The following TACR2 variants were observed in gnomAD, a reference collection of about 807,000 sequenced individuals.
The protein encoded by TACR2 is substance-K receptor.
A neutral mutation model predicts 28.9 loss-of-function variants in TACR2; 24 were observed. That is an observed-to-expected ratio of 0.83 (90% CI 0.60 to 1.17). The LOEUF is 1.17. Among genes scored for constraint, TACR2 ranks in the 50% most tolerant of loss-of-function variants. The pLI is 0.00. For synonymous variants in TACR2, 222 were observed against 212.6 expected (o/e 1.04, Z -0.38); for missense variants, 487 against 524.4 (o/e 0.93, Z 0.70).
At chr10:69,409,882 C>CATATATACATATATAT (rs1840548380) in intron 2 of TACR2, among the ~76,000 whole-genome samples, 1 of 113,186 alleles carries the variant, frequency 8.8e-6, no homozygotes, top group Admixed American at 9.7e-5. Flanking sequence ...TATATATATA[C>CATATATACATATATAT]ATATATACAT....
chr10:69,416,574 A>G lies in TACR2; in HGVS notation c.-251T>C, dbSNP rs1408802612. ...ATCCTTCCGGCCAGACTTCTCGAAT[A>G]TCATGTGGAAACACAGAATTCAAAT... On this transcript the variant is annotated 5_prime_UTR_variant, in exon 1 of 5. Coordinates refer to ENST00000373306, the MANE Select transcript of TACR2 (RefSeq NM_001057.3). 6.8e-6 allele frequency: 3 copies of G among 444,108 alleles called. No individual in the cohort carries two copies. Among genetic ancestry groups the G allele is most frequent in the Non-Finnish European group, 1.2e-5 (3 of 253,384 alleles). The allele number at this position is 444,108 out of a possible 1,614,324, so 27.5% of individuals were successfully genotyped here.
chr10:69,406,990 A>C, intron 4 of TACR2, 94 bp downstream of exon 4: 1 of 1,314,102 alleles, frequency 7.6e-7, no homozygotes, highest in Non-Finnish European at 1.1e-6. Flanking sequence ...TCCGGCAGGA[A>C]TGAGGATGGA....
intron 3 of TACR2, among the ~76,000 whole-genome samples, 158 bp downstream of exon 3, chr10:69,408,764 G>T (rs576723732): frequency 6.6e-6 from 1 of 151,186 alleles, no homozygotes; most frequent in South Asian, 2.1e-4. Flanking sequence ...CGTAAGGGCG[G>T]CTCCCCAGGG....
intron 2 of TACR2, among the ~76,000 whole-genome samples, chr10:69,410,334 T>C (rs1053777443): frequency 3.3e-5 from 5 of 151,372 alleles, no homozygotes; most frequent in African/African-American, 1.2e-4. Context: ...CTGGGCAAGA[T>C]AGTGAGACCC....
chr10:69,405,753 T>C (rs566296628), intron 4 of TACR2, among the ~76,000 whole-genome samples: 1 of 152,362 alleles, frequency 6.6e-6, no homozygotes, highest in East Asian at 1.9e-4. Context: ...TCCCAGGGAC[T>C]GTATCTCCCT....
chr10:69,405,020 T>G lies in TACR2; in HGVS notation c.1003A>C (p.Lys335Gln). The G allele has an allele frequency of 6.2e-7, 1 of 1,614,084 alleles. No homozygotes were observed. ...GAGGTCGTGGGAGTCAGCTCGAGCT[T>G]ATCTTCCTTGGTGGGTGTGACCCAT... The part of the protein sequence containing the change: ...CPWVTPTKED[K>Q]LELTPTTSLS... The change falls in exon 5 of 5, where the codon AAG becomes CAG. Residue 335 changes from lysine to glutamine, a missense_variant. Coordinates refer to ENST00000373306, the MANE Select transcript of TACR2 (RefSeq NM_001057.3).
rs189266129 is a variant in TACR2 at position 69,409,379 on chromosome 10, T to C, written c.588-304A>G. The stretch of plus-strand genomic sequence containing the variant: ...AAAGTGAATGAAACAAATTAAGAAA[T>C]AATTTGTTTGCAATTTAAAATGCCA... On this transcript the variant is annotated intron_variant, in intron 2 of 4. Coordinates refer to ENST00000373306, the MANE Select transcript of TACR2 (RefSeq NM_001057.3). 581 of 243,064 alleles carry C rather than the reference T, an allele frequency of 2.4e-3. 2 individuals are homozygous for C. Among genetic ancestry groups the C allele is most frequent in the Middle Eastern group, 3.8e-3 (3 of 792 alleles). The allele number at this position is 243,064 out of a possible 1,614,324, so 15.1% of individuals were successfully genotyped here.
intron 3 of TACR2, 70 bp from the exon 4 acceptor site, chr10:69,407,350 C>CAG (rs1840511605): frequency 6.8e-7 from 1 of 1,481,304 alleles, no homozygotes; most frequent in African/African-American, 1.4e-5. Flanking sequence ...AGGGCAGACA[C>CAG]AGAGGACCCC....
intron 2 of TACR2, among the ~76,000 whole-genome samples, chr10:69,412,430 C>T (rs940840124): frequency 2.6e-5 from 4 of 152,114 alleles, no homozygotes; most frequent in African/African-American, 9.7e-5. Flanking sequence ...GGAGGGGCAA[C>T]GAGGGCCAGG....
chr10:69,405,939 G>A (rs549219056), intron 4 of TACR2, among the ~76,000 whole-genome samples: 3 of 152,222 alleles, frequency 2.0e-5, no homozygotes, highest in Non-Finnish European at 4.4e-5. Flanking sequence ...ACTGTTTGTT[G>A]TATGAATTTG....
chr10:69,404,607 G>A lies in TACR2; in HGVS notation c.*219C>T, dbSNP rs1335976280. 2.6e-6 allele frequency: 1 copy of A among 379,734 alleles called. No homozygotes were observed. The highest frequency in any genetic ancestry group is 4.7e-6 in the Non-Finnish European group (1 of 213,970). The allele number at this position is 379,734 out of a possible 1,614,324, so 23.5% of individuals were successfully genotyped here. On this transcript the variant is annotated 3_prime_UTR_variant, in exon 5 of 5. Coordinates refer to ENST00000373306, the MANE Select transcript of TACR2 (RefSeq NM_001057.3). ...TCATGGTGGAAAGTGGAAGGGAAGT[G>A]TTGTGTGCAAAGAGATCACATGGTG...
Position 69,404,925 on chromosome 10 carries a change from G to T in TACR2, c.1098C>A (p.Ser366=). The change falls in exon 5 of 5, where the codon TCC becomes TCA. Residue 366 remains serine, a synonymous_variant. Coordinates refer to ENST00000373306, the MANE Select transcript of TACR2 (RefSeq NM_001057.3). ...TLFMAGDTAP[S]EATSGEAGRP... is the part of the protein sequence containing the mutation. ...GCCCCGCCTCCCCACTGGTAGCCTC[G>T]GAGGGGGCTGTGTCCCCAGCCATGA... is the stretch of plus-strand genomic sequence containing the variant. The T allele has an allele frequency of 6.2e-7, 1 of 1,614,094 alleles. No individual in the cohort carries two copies. The highest frequency in any genetic ancestry group is 8.5e-7 in the Non-Finnish European group (1 of 1,179,994).
intron 2 of TACR2, among the ~76,000 whole-genome samples, chr10:69,409,920 T>C (rs1474287370): frequency 5.3e-4 from 35 of 65,644 alleles, no homozygotes; most frequent in Middle Eastern, 8.1e-3. Context: ...TATATATATA[T>C]ATATATATAT....
intron 4 of TACR2, among the ~76,000 whole-genome samples, chr10:69,405,444 G>A (rs898354459): frequency 6.6e-6 from 1 of 152,198 alleles, no homozygotes; most frequent in Non-Finnish European, 1.5e-5. Flanking sequence ...TGGCTTCTAA[G>A]GGATGAGTCA....
chr10:69,405,607 T>C (rs1362215512), intron 4 of TACR2, among the ~76,000 whole-genome samples: 1 of 152,212 alleles, frequency 6.6e-6, no homozygotes, highest in Non-Finnish European at 1.5e-5. Context: ...ATGGCAGCAC[T>C]GAACGGGAGT....
intron 2 of TACR2, among the ~76,000 whole-genome samples, chr10:69,410,520 A>AT (rs1840560820): frequency 7.0e-6 from 1 of 142,516 alleles, no homozygotes; most frequent in Admixed American, 6.9e-5. Context: ...GACCCTGTCA[A>AT]AAAAAAAAAA....
At chr10:69,410,807 T>C (rs4746852) in intron 2 of TACR2, among the ~76,000 whole-genome samples, 2 of 151,984 alleles carry the variant, frequency 1.3e-5, no homozygotes, top group Admixed American at 6.6e-5. Flanking sequence ...AGGCTGTGAC[T>C]CACGTAGCGT....
At position 69,409,080 on chromosome 10, in the gene TACR2, A is replaced by C. The variant is rs1195622399; in HGVS notation, c.588-5T>G. 1.3e-6 allele frequency: 2 copies of C among 1,597,876 alleles called. No individual in the cohort carries two copies. Among genetic ancestry groups the C allele is most frequent in the Admixed American group, 3.5e-5 (2 of 57,228 alleles). On this transcript the variant is annotated splice_polypyrimidine_tract_variant and splice_region_variant and intron_variant, in intron 2 of 4. Coordinates refer to ENST00000373306, the MANE Select transcript of TACR2 (RefSeq NM_001057.3). ...GCGATCACCACGAGGTGGTACCTGC[A>C]GGGAGAGCCGAGGCCTGGGCAGCGG... is the stretch of plus-strand genomic sequence containing the variant.
intron 3 of TACR2, among the ~76,000 whole-genome samples, 199 bp downstream of exon 3, chr10:69,408,723 C>T (rs1840527736): frequency 6.6e-6 from 1 of 152,192 alleles, no homozygotes; most frequent in Non-Finnish European, 1.5e-5. Flanking sequence ...AAGCTTCTCC[C>T]GGGCGCCCTC....
Sources: gnomAD v4.1 joint callset for allele counts (sites outside exome capture counted in the v4.1 genomes callset) on GRCh38, gnomAD v4.1.1 for gene constraint, MANE v1.5 for transcripts, NCBI Gene and HGNC (gene_info 2026-07-23, HGNC 2026-07-21) for gene names.